The following RNF217 variants were observed in gnomAD, a reference collection of about 807,000 sequenced individuals.
The protein encoded by RNF217 is ring finger protein 217, also known as E3 ubiquitin-protein ligase RNF217.
In RNF217, 31 loss-of-function variants were observed where a neutral mutation model predicts 57.8. The observed-to-expected ratio is 0.54, with a 90% CI of 0.40 to 0.72. The LOEUF (loss-of-function observed/expected upper bound fraction) is 0.72, where lower values mean the gene tolerates loss of function less well. Ranked by LOEUF, RNF217 falls within the 30% of genes least tolerant of loss-of-function variation. RNF217 has a pLI of 0.00. For missense variants in RNF217, 696 were observed against 708.3 expected (o/e 0.98, Z 0.20); for synonymous variants, 313 against 294.0 (o/e 1.06, Z -0.66).
chr6:125,062,645 C>A (rs1213752931), intron 3 of RNF217, among the ~76,000 whole-genome samples: 1 of 152,044 alleles, frequency 6.6e-6, no homozygotes, highest in Non-Finnish European at 1.5e-5. Flanking sequence ...GGTGCTATCT[C>A]GGCTCACTGC....
chr6:125,050,100 G>T (rs1787253831), intron 2 of RNF217, among the ~76,000 whole-genome samples: 1 of 151,792 alleles, frequency 6.6e-6, no homozygotes, highest in Non-Finnish European at 1.5e-5. Flanking sequence ...GATGTGTAAA[G>T]GATTAAAAGT....
At chr6:124,978,382 C>G (rs1463434290) in intron 1 of RNF217, among the ~76,000 whole-genome samples, 1 of 151,532 alleles carries the variant, frequency 6.6e-6, no homozygotes, top group African/African-American at 2.4e-5. Flanking sequence ...GCGCTCAGCC[C>G]ATGGATCAAC....
chr6:125,071,071 T>G (rs570821464), intron 3 of RNF217, among the ~76,000 whole-genome samples: 2 of 152,246 alleles, frequency 1.3e-5, no homozygotes. Flanking sequence ...TTCCAGTTCT[T>G]TTTTTTAGAT....
At chr6:125,071,481 C>CAT (rs1454528092) in intron 3 of RNF217, among the ~76,000 whole-genome samples, 28 of 123,180 alleles carry the variant, frequency 2.3e-4, no homozygotes, top group South Asian at 2.9e-4. Flanking sequence ...CATCTGCCTA[C>CAT]ATATGTGTGT....
At chr6:125,077,566 A>G (rs1273486526) in intron 4 of RNF217, among the ~76,000 whole-genome samples, 2 of 152,144 alleles carry the variant, frequency 1.3e-5, no homozygotes, top group Non-Finnish European at 2.9e-5. Context: ...CCTGCCCATA[A>G]ACAAATCACC....
In RNF217 at chr6:125,087,268, A is replaced by G. The variant is rs1046631139; in HGVS notation, c.*4331A>G. The G allele has an allele frequency of 2.6e-5, 4 of 152,284 alleles. No individual in the cohort carries two copies. Among genetic ancestry groups the G allele is most frequent in the Non-Finnish European group, 4.4e-5 (3 of 68,010 alleles). The allele number at this position is 152,284 out of a possible 1,614,324, so 9.4% of individuals were successfully genotyped here. On this transcript the variant is annotated 3_prime_UTR_variant, in exon 6 of 6. Coordinates refer to ENST00000521654, the MANE Select transcript of RNF217 (RefSeq NM_001286398.3). ...TGGCCTCTATAACCTTAATTGGCAT[A>G]CTTTACTACAAAAATAAGAAAATGT...
chr6:124,962,494 TG>T lies in RNF217; in HGVS notation c.-46del. The T allele has an allele frequency of 2.2e-6, 2 of 911,526 alleles. No homozygotes were observed. Among genetic ancestry groups the T allele is most frequent in the Non-Finnish European group, 2.7e-6 (2 of 729,682 alleles). 56.5% of individuals were successfully genotyped at this position (911,526 alleles called of 1,614,324 possible). A position where few individuals can be genotyped will look rare whatever the true frequency, so the allele number is the denominator to read the frequency against. On this transcript the variant is annotated 5_prime_UTR_variant, in exon 1 of 6. Transcript: ENST00000521654. This position sits in a 1 kb window ranked among gnomAD's most constrained non-coding sequence, Gnocchi z 4.6. Reference sequence around the variant, plus strand: ...GCCCCCGCTGCCCGCGGGCGCCGGGTGGGGGTCCCGGCGGCTGGATGGGCAG... The same window carrying T: ...GCCCCCGCTGCCCGCGGGCGCCGGGTGGGGTCCCGGCGGCTGGATGGGCAG...
In RNF217 at chr6:125,031,818, G is replaced by A. The variant is rs574108104; in HGVS notation, c.883-13393G>A. Among the ~76,000 whole-genome samples, 23 of 152,118 alleles carry A rather than the reference G, an allele frequency of 1.5e-4. No homozygotes were observed. In the South Asian group the frequency reaches 4.4e-3, roughly 29 times the overall value. Reference sequence around the variant, plus strand: ...GTTCCAAAGTTGGTTCCACATTTTCGGGTATCTTTTCAGCAATGCCCCACT... The same window carrying A: ...GTTCCAAAGTTGGTTCCACATTTTCAGGTATCTTTTCAGCAATGCCCCACT... On this transcript the variant is annotated intron_variant, in intron 1 of 5. Transcript: ENST00000521654.
At chr6:125,010,267 G>C (rs1239345274) in intron 1 of RNF217, among the ~76,000 whole-genome samples, 1 of 152,108 alleles carries the variant, frequency 6.6e-6, no homozygotes, top group Non-Finnish European at 1.5e-5. Flanking sequence ...AGAATTGCCA[G>C]AGTATAATAA....
intron 1 of RNF217, among the ~76,000 whole-genome samples, chr6:125,015,147 G>A (rs1472058908): frequency 6.6e-6 from 1 of 152,078 alleles, no homozygotes; most frequent in Non-Finnish European, 1.5e-5. Flanking sequence ...TTATCTGAAA[G>A]TCACCTAAAA....
intron 3 of RNF217, among the ~76,000 whole-genome samples, chr6:125,061,316 A>C (rs915544736): frequency 6.6e-6 from 1 of 151,890 alleles, no homozygotes; most frequent in African/African-American, 2.4e-5. Flanking sequence ...TTTCAGTATG[A>C]GCATTTGTTG....
chr6:124,965,165 A>G (rs1201348818), intron 1 of RNF217, among the ~76,000 whole-genome samples: 1 of 152,188 alleles, frequency 6.6e-6, no homozygotes, highest in Non-Finnish European at 1.5e-5. Flanking sequence ...CAGTACAACC[A>G]CTAAAAACTC....
chr6:124,980,897 A>G (rs977005190), intron 1 of RNF217, among the ~76,000 whole-genome samples: 45 of 152,318 alleles, frequency 3.0e-4, no homozygotes, highest in Admixed American at 1.4e-3. Context: ...TTTTAAAAAA[A>G]TTTATGAGAA....
chr6:125,022,906 T>A (rs1198756244), intron 1 of RNF217, among the ~76,000 whole-genome samples: 1 of 152,072 alleles, frequency 6.6e-6, no homozygotes, highest in Non-Finnish European at 1.5e-5. Flanking sequence ...CCTCACACTA[T>A]CTCTATTAAC....
chr6:124,965,299 T>A (rs987383156), intron 1 of RNF217, among the ~76,000 whole-genome samples: 4 of 152,096 alleles, frequency 2.6e-5, no homozygotes, highest in East Asian at 1.9e-4. Context: ...ATTGGCCGGG[T>A]GCGGTGGCTC....
At chr6:124,964,480 C>T (rs958220709) in intron 1 of RNF217, among the ~76,000 whole-genome samples, 1 of 152,136 alleles carries the variant, frequency 6.6e-6, no homozygotes, top group Non-Finnish European at 1.5e-5. Flanking sequence ...GAGTCCCTTG[C>T]CCATCATAGT....
Position 125,088,685 on chromosome 6 carries a change from A to T in RNF217, c.*5748A>T, listed in dbSNP as rs1788846449. ...TAAAAGGCAATAATTTTTTTTAAATACACAAAACATTGCCATTGCCCTTTT... is the reference window on the plus strand; with the variant it reads ...TAAAAGGCAATAATTTTTTTTAAATTCACAAAACATTGCCATTGCCCTTTT... On this transcript the variant is annotated 3_prime_UTR_variant, in exon 6 of 6. Coordinates refer to ENST00000521654, the MANE Select transcript of RNF217 (RefSeq NM_001286398.3). 6.6e-6 allele frequency: 1 copy of T among 152,222 alleles called. No individual in the cohort carries two copies. 9.4% of individuals were successfully genotyped at this position (152,222 alleles called of 1,614,324 possible). A position where few individuals can be genotyped will look rare whatever the true frequency, so the allele number is the denominator to read the frequency against.
At chr6:125,064,916 A>G (rs918675144) in intron 3 of RNF217, among the ~76,000 whole-genome samples, 5 of 152,126 alleles carry the variant, frequency 3.3e-5, no homozygotes, top group Non-Finnish European at 7.4e-5. Context: ...GGACTTACAT[A>G]TAAAGTAGAA....
intron 1 of RNF217, among the ~76,000 whole-genome samples, chr6:125,040,131 CA>C (rs199981900): frequency 1.3e-5 from 2 of 151,806 alleles, no homozygotes; most frequent in African/African-American, 2.4e-5. Flanking sequence ...AAAAAACCTT[CA>C]AAAAAATCAA....
Sources: gnomAD v4.1 joint callset for allele counts (sites outside exome capture counted in the v4.1 genomes callset) on GRCh38, gnomAD v4.1.1 for gene constraint, Gnocchi (gnomAD v3.1) non-coding constraint, MANE v1.5 for transcripts, NCBI Gene and HGNC (gene_info 2026-07-23, HGNC 2026-07-21) for gene names.